CYP39A1: variants seen among roughly 807,000 people sequenced by gnomAD.
The protein encoded by CYP39A1 is cytochrome P450 family 39 subfamily A member 1, also known as 24-hydroxycholesterol 7-alpha-hydroxylase.
Under a neutral mutation model 58.1 loss-of-function variants are expected in CYP39A1, and 49 were observed. The ratio of observed to expected loss-of-function variants is 0.84; its 90% confidence interval spans 0.67 to 1.07. The LOEUF is 1.07. Among genes scored for constraint, CYP39A1 ranks in the 50% least tolerant of loss-of-function variants. The pLI is 0.00. For missense variants in CYP39A1, 531 were observed against 539.4 expected (o/e 0.98, Z 0.16); for synonymous variants, 209 against 187.6 (o/e 1.11, Z -0.93).
In CYP39A1 at chr6:46,639,627, G is replaced by A; in HGVS notation, c.355C>T (p.Leu119Phe). ...KNVFLALHEK[L>F]YIMLKGKMGT... ...ATTTTCCCTTTCAACATAATATAGA[G>A]TTTTTCATGCAGTGCTAAAAAGACA... Residue 119 changes from leucine to phenylalanine, a missense_variant, in exon 3 of 12, where the codon CTC becomes TTC. Transcript: ENST00000275016. The A allele has an allele frequency of 1.9e-6, 3 of 1,613,796 alleles. No individual in the cohort carries two copies. Among genetic ancestry groups the A allele is most frequent in the Non-Finnish European group, 1.7e-6 (2 of 1,179,888 alleles).
At position 46,652,424 on chromosome 6, in the gene CYP39A1, T is replaced by C. The variant is rs1384085477; in HGVS notation, c.159A>G (p.Ile53Met). ...FEFGKAPLEF[I>M]EKARIKYGPI... Reference sequence around the variant, plus strand: ...CACATACCTTGATTCTTGCTTTCTCTATAAATTCTAGAGGGGCTTTCCCAA... The same window carrying C: ...CACATACCTTGATTCTTGCTTTCTCCATAAATTCTAGAGGGGCTTTCCCAA... Residue 53 changes from isoleucine to methionine, a missense_variant, in exon 1 of 12, where the codon ATA (isoleucine) becomes ATG (methionine). Coordinates refer to ENST00000275016, the MANE Select transcript of CYP39A1 (RefSeq NM_016593.5). The C allele has an allele frequency of 1.2e-6, 2 of 1,612,938 alleles. No homozygotes were observed. Among genetic ancestry groups the C allele is most frequent in the East Asian group, 2.2e-5 (1 of 44,846 alleles).
intron 7 of CYP39A1, among the ~76,000 whole-genome samples, chr6:46,600,367 C>G (rs7749593): frequency 0.12 from 19,008 of 152,064 alleles, 1,236 homozygotes; most frequent in Middle Eastern, 0.18. Flanking sequence ...GTGATCTGCC[C>G]ACCTCAGCCT....
At chr6:46,650,173 A>G (rs1206715302) in intron 1 of CYP39A1, among the ~76,000 whole-genome samples, 1 of 150,828 alleles carries the variant, frequency 6.6e-6, no homozygotes. Flanking sequence ...GGGTATGAAG[A>G]GGTTTATTTC....
At chr6:46,555,407 A>AT (rs1039826728) in intron 10 of CYP39A1, among the ~76,000 whole-genome samples, 2 of 152,152 alleles carry the variant, frequency 1.3e-5, no homozygotes, top group African/African-American at 4.8e-5. Flanking sequence ...CCAGAGGAGG[A>AT]TTTGTATTAT....
At chr6:46,571,399 T>G (rs890723091) in intron 10 of CYP39A1, among the ~76,000 whole-genome samples, 4 of 152,176 alleles carry the variant, frequency 2.6e-5, no homozygotes, top group Non-Finnish European at 4.4e-5. Flanking sequence ...TATATTCAGG[T>G]GCTCTGATGT....
At chr6:46,597,684 C>T (rs1023235281) in intron 7 of CYP39A1, among the ~76,000 whole-genome samples, 8 of 151,920 alleles carry the variant, frequency 5.3e-5, no homozygotes, top group Non-Finnish European at 1.0e-4. Flanking sequence ...CCAGTTTGCC[C>T]AGAAGGTGAG....
At chr6:46,556,567 T>C (rs1017174784) in intron 10 of CYP39A1, among the ~76,000 whole-genome samples, 2 of 151,988 alleles carry the variant, frequency 1.3e-5, no homozygotes, top group Non-Finnish European at 2.9e-5. Context: ...ACACAAGACA[T>C]GGAGGCTGTG....
chr6:46,641,029 G>C (rs681513), intron 2 of CYP39A1, among the ~76,000 whole-genome samples: 115,593 of 151,666 alleles, frequency 0.76, 44,184 homozygotes, highest in Admixed American at 0.82. Flanking sequence ...TACATCTTCT[G>C]TATGTATAGT....
chr6:46,561,459 C>T (rs3799890), intron 10 of CYP39A1, among the ~76,000 whole-genome samples: 30,360 of 151,770 alleles, frequency 0.2, 3,145 homozygotes, highest in African/African-American at 0.21. Context: ...GTACACTTGG[C>T]AGAGAGAAAA....
intron 7 of CYP39A1, among the ~76,000 whole-genome samples, chr6:46,616,196 C>A (rs1424594920): frequency 0.018 from 10 of 568 alleles, no homozygotes; most frequent in South Asian, 0.17. Context: ...TCTTCTTTCC[C>A]TCCCTCCCTC....
At chr6:46,574,835 T>C (rs1771767487) in intron 10 of CYP39A1, among the ~76,000 whole-genome samples, 1 of 151,776 alleles carries the variant, frequency 6.6e-6, no homozygotes, top group African/African-American at 2.4e-5. Context: ...CAAAAATCAC[T>C]GTTAATTTTT....
At chr6:46,593,633 C>A (rs1258788007) in intron 8 of CYP39A1, among the ~76,000 whole-genome samples, 1 of 152,094 alleles carries the variant, frequency 6.6e-6, no homozygotes, top group Admixed American at 6.6e-5. Flanking sequence ...GGATTTTTAT[C>A]TGTGTTCTAT....
At chr6:46,602,926 G>GC (rs559195689) in intron 7 of CYP39A1, among the ~76,000 whole-genome samples, 2 of 137,556 alleles carry the variant, frequency 1.5e-5, no homozygotes, top group Admixed American at 7.2e-5. Flanking sequence ...TATAAAATGG[G>GC]GGGGGGGAGC....
intron 10 of CYP39A1, among the ~76,000 whole-genome samples, chr6:46,585,202 G>C (rs957641899): frequency 2.0e-5 from 3 of 152,058 alleles, no homozygotes; most frequent in African/African-American, 7.2e-5. Context: ...TAGTCAACAG[G>C]TAATCCTTGA....
intron 7 of CYP39A1, among the ~76,000 whole-genome samples, chr6:46,611,466 A>G (rs1043906236): frequency 3.9e-5 from 6 of 152,238 alleles, no homozygotes; most frequent in Non-Finnish European, 8.8e-5. Flanking sequence ...TTCTTCCATC[A>G]GTACGTGCAC....
rs754219308 is a variant in CYP39A1, at chr6:46,587,200, C to A, written c.1162-35G>T. On this transcript the variant is annotated intron_variant, in intron 9 of 11. Coordinates refer to ENST00000275016, the MANE Select transcript of CYP39A1 (RefSeq NM_016593.5). Reference sequence around the variant, plus strand: ...GAAAACATTTTTTTTTCCAAATCAGCCTTATATAAATAAGCTTAACTTTAT... The same window carrying A: ...GAAAACATTTTTTTTTCCAAATCAGACTTATATAAATAAGCTTAACTTTAT... 9 of 1,357,600 alleles carry A rather than the reference C, an allele frequency of 6.6e-6. No individual in the cohort carries two copies. The African/African-American group carries it at 1.1e-4, about 17-fold the overall frequency. 84.1% of individuals were successfully genotyped at this position (1,357,600 alleles called of 1,614,324 possible).
chr6:46,625,527 T>G lies in CYP39A1; in HGVS notation c.841-19A>C. 6.4e-7 allele frequency: 1 copy of G among 1,563,536 alleles called. No homozygotes were observed. Among genetic ancestry groups the G allele is most frequent in the South Asian group, 1.1e-5 (1 of 87,784 alleles). On this transcript the variant is annotated intron_variant, in intron 6 of 11. Transcript: ENST00000275016. ...ATGCAACCTTAAAAAGAAAAACATA[T>G]ATCAAAAATATGAACTTCTTTGAAG...
At position 46,625,499 on chromosome 6, in the gene CYP39A1, A is replaced by C. The variant is rs1329998762; in HGVS notation, c.850T>G (p.Trp284Gly). 6.2e-7 allele frequency: 1 copy of C among 1,607,846 alleles called. No homozygotes were observed. The highest frequency in any genetic ancestry group is 1.1e-5 in the South Asian group (1 of 89,574). Residue 284 changes from tryptophan (W) to glycine (G), a missense_variant, in exon 7 of 12, where the codon TGG (tryptophan) becomes GGG (glycine). Coordinates refer to ENST00000275016, the MANE Select transcript of CYP39A1 (RefSeq NM_016593.5). ...SLSNAVPVAF[W>G]TLAYVLSHPD... ...TGAGAAAGGACGTATGCAAGTGTCC[A>C]AAATGCAACCTTAAAAAGAAAAACA...
chr6:46,632,510 T>C (rs1417210646), intron 5 of CYP39A1, among the ~76,000 whole-genome samples: 1 of 151,952 alleles, frequency 6.6e-6, no homozygotes. Flanking sequence ...AGGTTTGTTC[T>C]ATAGGTAAAA....
Sources: gnomAD v4.1 joint callset for allele counts (sites outside exome capture counted in the v4.1 genomes callset) on GRCh38, gnomAD v4.1.1 for gene constraint, MANE v1.5 for transcripts, NCBI Gene and HGNC (gene_info 2026-07-23, HGNC 2026-07-21) for gene names.